The following STAG1 variants were observed in gnomAD, a reference collection of about 807,000 sequenced individuals.
STAG1 encodes the protein cohesin subunit SA-1.
Under a neutral mutation model 170.9 loss-of-function variants are expected in STAG1, and 26 were observed. The observed-to-expected ratio is 0.15, with a 90% CI of 0.11 to 0.21. The LOEUF (loss-of-function observed/expected upper bound fraction) is 0.21, where lower values mean the gene tolerates loss of function less well. Among genes scored for constraint, STAG1 ranks in the 10% least tolerant of loss-of-function variants. The pLI, the probability that STAG1 is intolerant of heterozygous loss-of-function variation, is 1.00. For missense variants in STAG1, 964 were observed against 1,509.5 expected (o/e 0.64, Z 5.99); for synonymous variants, 514 against 497.7 (o/e 1.03, Z -0.44).
chr3:136,432,966 T>C (rs1246850737), intron 16 of STAG1, among the ~76,000 whole-genome samples: 1 of 152,126 alleles, frequency 6.6e-6, no homozygotes, highest in African/African-American at 2.4e-5. Flanking sequence ...AAAAAATATT[T>C]CCCAATGTGT....
intron 1 of STAG1, among the ~76,000 whole-genome samples, chr3:136,676,385 A>G (rs1360916270): frequency 2.6e-5 from 4 of 152,194 alleles, no homozygotes; most frequent in Non-Finnish European, 4.4e-5. Context: ...TACTTTTTAA[A>G]CTTTTTGACT....
At chr3:136,574,343 TACACACAC>T (rs144809759) in intron 4 of STAG1, among the ~76,000 whole-genome samples, 100 of 148,962 alleles carry the variant, frequency 6.7e-4, no homozygotes, top group African/African-American at 2.3e-3. Flanking sequence ...TGTGTGTGTA[TACACACAC>T]ACACACACAC....
chr3:136,396,388 T>G (rs111243309), intron 22 of STAG1, among the ~76,000 whole-genome samples: 1,690 of 150,148 alleles, frequency 0.011, 23 homozygotes, highest in African/African-American at 0.04. Flanking sequence ...CGGCTAATTT[T>G]TTTGTATTTT....
intron 4 of STAG1, among the ~76,000 whole-genome samples, chr3:136,601,166 A>C (rs1938657564): frequency 6.6e-6 from 1 of 152,068 alleles, no homozygotes; most frequent in Non-Finnish European, 1.5e-5. Flanking sequence ...CAGCCTAAAG[A>C]AGTACTATTT....
intron 1 of STAG1, among the ~76,000 whole-genome samples, chr3:136,704,821 C>CAAAAAAAAAAAAAAAAAAAA (rs67207510): frequency 3.9e-5 from 2 of 51,424 alleles, no homozygotes; most frequent in Non-Finnish European, 7.1e-5. Flanking sequence ...GTCCCTGTCT[C>CAAAAAAAAAAAAAAAAAAAA]AAAAAAAAAA....
At chr3:136,352,004 A>G (rs1936450489) in intron 28 of STAG1, among the ~76,000 whole-genome samples, 1 of 152,222 alleles carries the variant, frequency 6.6e-6, no homozygotes, top group African/African-American at 2.4e-5. Context: ...GAGGCTGCAC[A>G]AGGCAGAGAA....
At chr3:136,566,991 C>T (rs1937099732) in intron 5 of STAG1, among the ~76,000 whole-genome samples, 2 of 152,304 alleles carry the variant, frequency 1.3e-5, no homozygotes, top group Non-Finnish European at 2.9e-5. Flanking sequence ...AAAGAATATA[C>T]ATTCCTACCC....
At chr3:136,394,330 A>C (rs889254706) in intron 22 of STAG1, among the ~76,000 whole-genome samples, 1 of 152,234 alleles carries the variant, frequency 6.6e-6, no homozygotes, top group African/African-American at 2.4e-5. Context: ...TATACCCTGG[A>C]CTTTTAAAGA....
chr3:136,357,453 A>T (rs1936702250), intron 28 of STAG1, among the ~76,000 whole-genome samples: 2 of 152,220 alleles, frequency 1.3e-5, no homozygotes, highest in Non-Finnish European at 2.9e-5. Context: ...CAATGGCTAA[A>T]CCAGTGTTTA....
At chr3:136,589,605 C>G (rs1026447117) in intron 4 of STAG1, among the ~76,000 whole-genome samples, 8 of 147,474 alleles carry the variant, frequency 5.4e-5, no homozygotes, top group African/African-American at 2.0e-4. Context: ...CCACTGCACT[C>G]CAGCCTGGGC....
intron 1 of STAG1, among the ~76,000 whole-genome samples, chr3:136,745,012 T>C (rs1934865687): frequency 6.6e-6 from 1 of 152,102 alleles, no homozygotes; most frequent in Admixed American, 6.6e-5. Context: ...TCAGAAAATA[T>C]CAGAGTGCAC....
At chr3:136,687,326 T>C (rs1002454819) in intron 1 of STAG1, among the ~76,000 whole-genome samples, 1 of 152,220 alleles carries the variant, frequency 6.6e-6, no homozygotes, top group Admixed American at 6.5e-5. Flanking sequence ...AACTACTATA[T>C]TGTTGGAAGA....
At chr3:136,494,653 A>G (rs1932976068) in intron 9 of STAG1, among the ~76,000 whole-genome samples, 1 of 152,188 alleles carries the variant, frequency 6.6e-6, no homozygotes, top group African/African-American at 2.4e-5. Context: ...ACAATACACT[A>G]TATTAATATA....
At chr3:136,454,706 T>C (rs2089055601) in intron 13 of STAG1, among the ~76,000 whole-genome samples, 1 of 152,220 alleles carries the variant, frequency 6.6e-6, no homozygotes, top group Non-Finnish European at 1.5e-5. Context: ...ATTCCATTTA[T>C]TGCATATAAA....
At chr3:136,609,990 G>A (rs2107814811) in intron 3 of STAG1, among the ~76,000 whole-genome samples, 1 of 152,110 alleles carries the variant, frequency 6.6e-6, no homozygotes, top group East Asian at 1.9e-4. Context: ...TAATGTCTTG[G>A]ATATTTTAAA....
chr3:136,542,759 G>A (rs1427471498), intron 5 of STAG1, among the ~76,000 whole-genome samples: 1 of 152,044 alleles, frequency 6.6e-6, no homozygotes, highest in Non-Finnish European at 1.5e-5. Context: ...GATGGTGGTG[G>A]CAGCTAACAT....
At chr3:136,538,521 C>T (rs1021913317) in intron 6 of STAG1, among the ~76,000 whole-genome samples, 46 of 151,518 alleles carry the variant, frequency 3.0e-4, no homozygotes, top group African/African-American at 9.5e-4. Flanking sequence ...CAGATTCAAG[C>T]GATTCTCCTG....
intron 1 of STAG1, among the ~76,000 whole-genome samples, chr3:136,722,866 A>T (rs1456855000): frequency 1.3e-5 from 2 of 151,854 alleles, no homozygotes; most frequent in Admixed American, 6.6e-5. Context: ...TGGTTTTCGT[A>T]TTTTTTTGGT....
intron 1 of STAG1, among the ~76,000 whole-genome samples, chr3:136,751,173 T>C (rs897278580): frequency 3.1e-5 from 3 of 97,212 alleles, no homozygotes; most frequent in African/African-American, 9.7e-5. Context: ...ACAAATTGCG[T>C]TTTTTTTTTT....
Sources: gnomAD v4.1 joint callset for allele counts (sites outside exome capture counted in the v4.1 genomes callset) on GRCh38, gnomAD v4.1.1 for gene constraint, MANE v1.5 for transcripts, NCBI Gene and HGNC (gene_info 2026-07-23, HGNC 2026-07-21) for gene names.